Variants in ITGAV observed in about 807,000 individuals in gnomAD.
ITGAV encodes integrin alpha-V.
A neutral mutation model predicts 143.8 loss-of-function variants in ITGAV; 76 were observed. That is an observed-to-expected ratio of 0.53 (90% CI 0.44 to 0.64). ITGAV has a LOEUF of 0.64. Among genes scored for constraint, ITGAV ranks in the 30% least tolerant of loss-of-function variants. The pLI is 0.00. For missense variants in ITGAV, 1,193 were observed against 1,274.7 expected (o/e 0.94, Z 0.98); for synonymous variants, 453 against 446.7 (o/e 1.01, Z -0.18).
At chr2:186,617,203 T>A (rs1687389512) in intron 2 of ITGAV, among the ~76,000 whole-genome samples, 1 of 152,214 alleles carries the variant, frequency 6.6e-6, no homozygotes, top group African/African-American at 2.4e-5. Flanking sequence ...ACTTTGGCCA[T>A]TTCACAAAAA....
At chr2:186,631,287 A>G (rs142098624) in intron 5 of ITGAV, among the ~76,000 whole-genome samples, 3 of 152,328 alleles carry the variant, frequency 2.0e-5, no homozygotes, top group African/African-American at 7.2e-5. Flanking sequence ...TTTGCCATCT[A>G]TTATGTGCCT....
In ITGAV at chr2:186,602,115, A is replaced by G; in HGVS notation, c.280A>G (p.Thr94Ala). 6.2e-7 allele frequency: 1 copy of G among 1,604,118 alleles called. No individual in the cohort carries two copies. Among genetic ancestry groups the G allele is most frequent in the Non-Finnish European group, 8.5e-7 (1 of 1,175,206 alleles). Residue 94 changes from threonine to alanine, a missense_variant, in exon 2 of 30, where the codon ACC becomes GCC. Transcript: ENST00000261023. ...GGTCCTCAAATGTGACTGGTCTTCTACCCGCCGGTGCCAGCCAATTGAATT... is the reference window on the plus strand; with the variant it reads ...GGTCCTCAAATGTGACTGGTCTTCTGCCCGCCGGTGCCAGCCAATTGAATT... The part of the protein sequence containing the change: ...GQVLKCDWSS[T>A]RRCQPIEFDA...
intron 1 of ITGAV, among the ~76,000 whole-genome samples, chr2:186,596,287 A>T (rs1368749326): frequency 6.6e-6 from 1 of 152,214 alleles, no homozygotes; most frequent in Admixed American, 6.5e-5. Context: ...AACTGTTTCC[A>T]TTAGATAGTG....
At position 186,633,253 on chromosome 2, in the gene ITGAV, T is replaced by C. The variant is rs376371966; in HGVS notation, c.586-76T>C. On this transcript the variant is annotated intron_variant, in intron 5 of 29. Coordinates refer to ENST00000261023, the MANE Select transcript of ITGAV (RefSeq NM_002210.5). ...TGTATACATATACATATATATCTTATGTTTTTCATTGATTTCTATTTTGAG... is the reference window on the plus strand; with the variant it reads ...TGTATACATATACATATATATCTTACGTTTTTCATTGATTTCTATTTTGAG... The C allele has an allele frequency of 5.2e-5, 44 of 849,706 alleles. No homozygotes were observed. In the Admixed American group the frequency reaches 7.0e-4, roughly 14 times the overall value. The allele number at this position is 849,706 out of a possible 1,614,324, so 52.6% of individuals were successfully genotyped here. A position where few individuals can be genotyped will look rare whatever the true frequency, so the allele number is the denominator to read the frequency against.
At chr2:186,667,298 T>G in intron 23 of ITGAV, 68 bp downstream of exon 23, 8 of 1,180,426 alleles carry the variant, frequency 6.8e-6, no homozygotes, top group Middle Eastern at 2.0e-4. Context: ...TGTCAGGCCT[T>G]AGCCTTTTCT....
intron 2 of ITGAV, among the ~76,000 whole-genome samples, chr2:186,611,536 C>T (rs1687217245): frequency 6.6e-6 from 1 of 152,110 alleles, no homozygotes; most frequent in Non-Finnish European, 1.5e-5. Flanking sequence ...GGTTATACTG[C>T]AAGCTATGCT....
chr2:186,590,289 G>C lies in ITGAV; in HGVS notation c.-50G>C, dbSNP rs199679731. 2.2e-5 allele frequency: 32 copies of C among 1,432,332 alleles called. No homozygotes were observed. The highest frequency in any genetic ancestry group is 1.7e-4 in the Admixed American group (6 of 36,174). 88.7% of individuals were successfully genotyped at this position (1,432,332 alleles called of 1,614,324 possible). A position where few individuals can be genotyped will look rare whatever the true frequency, so the allele number is the denominator to read the frequency against. ...GGGCACTGGGCGCCTCGCTGGGGCG[G>C]GGGGAGGTGGCTACCGCTCCCGGCT... On this transcript the variant is annotated 5_prime_UTR_variant, in exon 1 of 30. Coordinates refer to ENST00000261023, the MANE Select transcript of ITGAV (RefSeq NM_002210.5).
At chr2:186,613,559 T>A (rs1687275597) in intron 2 of ITGAV, among the ~76,000 whole-genome samples, 1 of 152,176 alleles carries the variant, frequency 6.6e-6, no homozygotes, top group African/African-American at 2.4e-5. Flanking sequence ...GGATTATGGT[T>A]GCAGAACTTA....
intron 3 of ITGAV, among the ~76,000 whole-genome samples, chr2:186,622,999 G>T (rs1329963858): frequency 6.6e-6 from 1 of 152,006 alleles, no homozygotes; most frequent in Non-Finnish European, 1.5e-5. Flanking sequence ...CCTGACCTCA[G>T]GTGAGCCACC....
intron 2 of ITGAV, among the ~76,000 whole-genome samples, chr2:186,612,849 CT>C (rs1687252932): frequency 6.6e-6 from 1 of 152,046 alleles, no homozygotes; most frequent in Admixed American, 6.6e-5. Context: ...AGTAGTTTCC[CT>C]TCCCTTGTTA....
chr2:186,656,202 T>C (rs1197930099), intron 16 of ITGAV, 45 bp from the exon 17 acceptor site: 4 of 1,421,192 alleles, frequency 2.8e-6, no homozygotes, highest in African/African-American at 3.0e-5. Context: ...GATAGATAGA[T>C]GTCCATAAAG....
chr2:186,645,594 T>C (rs1295653221), intron 12 of ITGAV, among the ~76,000 whole-genome samples: 1 of 152,100 alleles, frequency 6.6e-6, no homozygotes, highest in East Asian at 1.9e-4. Flanking sequence ...AAGATGGGGA[T>C]GGGTGTGACA....
rs1225346630 is a variant in ITGAV, at chr2:186,668,185, CAT to C, written c.2433+440_2433+441del. Among the ~76,000 whole-genome samples the C allele has an allele frequency of 1.7e-3, 32 of 19,072 alleles. 1 individual carries two copies. The highest frequency in any genetic ancestry group is 0.01 in the East Asian group (3 of 300). 12.5% of individuals were successfully genotyped at this position (19,072 alleles called of 152,430 possible). A position where few individuals can be genotyped will look rare whatever the true frequency, so the allele number is the denominator to read the frequency against. On this transcript the variant is annotated intron_variant, in intron 24 of 29. Transcript: ENST00000261023. ...TTTGCCTTTTGTTTATACATACATA[CAT>C]ATATATATATATATATATATATATA...
rs1689317707 is a variant in ITGAV, at chr2:186,680,314, G to A, written c.*3022G>A. 6.6e-6 allele frequency: 1 copy of A among 152,492 alleles called. No individual in the cohort carries two copies. The highest frequency in any genetic ancestry group is 1.5e-5 in the Non-Finnish European group (1 of 67,972). The allele number at this position is 152,492 out of a possible 1,614,324, so 9.4% of individuals were successfully genotyped here. On this transcript the variant is annotated 3_prime_UTR_variant, in exon 30 of 30. Transcript: ENST00000261023. ...GAAATTACTTAATACTCAGTGTTTT[G>A]GAGAGTATTCCTTTTAGTTTGTTGG... is the stretch of plus-strand genomic sequence containing the variant.
chr2:186,621,858 C>T (rs777307367), intron 2 of ITGAV, among the ~76,000 whole-genome samples: 5 of 152,034 alleles, frequency 3.3e-5, no homozygotes, highest in Admixed American at 6.6e-5. Flanking sequence ...CTTTTTTCTA[C>T]CAACCAAATC....
At chr2:186,601,644 C>T (rs1284449006) in intron 1 of ITGAV, among the ~76,000 whole-genome samples, 1 of 151,276 alleles carries the variant, frequency 6.6e-6, no homozygotes, top group Non-Finnish European at 1.5e-5. Context: ...CGCACATGCA[C>T]ACACACACAC....
intron 2 of ITGAV, among the ~76,000 whole-genome samples, chr2:186,614,271 T>C (rs1399836861): frequency 6.6e-6 from 1 of 152,088 alleles, no homozygotes; most frequent in African/African-American, 2.4e-5. Context: ...CTTTTGTGTG[T>C]GTATTTGTGC....
At chr2:186,616,269 C>T (rs1309259815) in intron 2 of ITGAV, among the ~76,000 whole-genome samples, 2 of 140,802 alleles carry the variant, frequency 1.4e-5, no homozygotes, top group African/African-American at 5.1e-5. Context: ...CAATGATATA[C>T]CTTATTTTTT....
chr2:186,590,559 TC>T, intron 1 of ITGAV, 36 bp downstream of exon 1: 1 of 1,565,084 alleles, frequency 6.4e-7, no homozygotes, highest in Non-Finnish European at 8.7e-7. Context: ...GCCGGCCCCC[TC>T]CCCCACCGCG....
Sources: gnomAD v4.1 joint callset for allele counts (sites outside exome capture counted in the v4.1 genomes callset) on GRCh38, gnomAD v4.1.1 for gene constraint, MANE v1.5 for transcripts, NCBI Gene and HGNC (gene_info 2026-07-23, HGNC 2026-07-21) for gene names.